The following PPA2 variants were observed in gnomAD, a reference collection of about 807,000 sequenced individuals.
PPA2 encodes the protein inorganic pyrophosphatase 2.
In PPA2, 48 loss-of-function variants were observed where a neutral mutation model predicts 49.5. That is an observed-to-expected ratio of 0.97 (90% CI 0.77 to 1.23). The LOEUF (loss-of-function observed/expected upper bound fraction) is 1.23, where lower values mean the gene tolerates loss of function less well. PPA2 is among the 50% of genes most tolerant of loss of function. The pLI, the probability that PPA2 is intolerant of heterozygous loss-of-function variation, is 0.00. For missense variants in PPA2, 429 were observed against 410.1 expected (o/e 1.05, Z -0.40); for synonymous variants, 131 against 139.9 (o/e 0.94, Z 0.45).
At chr4:105,425,717 T>A (rs1204460802) in intron 6 of PPA2, among the ~76,000 whole-genome samples, 1 of 114,672 alleles carries the variant, frequency 8.7e-6, no homozygotes, top group South Asian at 2.6e-4. Flanking sequence ...AAAGGACACA[T>A]GCACATACAC....
intron 10 of PPA2, among the ~76,000 whole-genome samples, chr4:105,375,736 A>C (rs538661014): frequency 6.6e-6 from 1 of 152,236 alleles, no homozygotes; most frequent in Admixed American, 6.5e-5. Flanking sequence ...TGGACCATGC[A>C]AGGAAGCTGT....
chr4:105,402,026 T>C (rs1309168038), intron 7 of PPA2, among the ~76,000 whole-genome samples: 1 of 152,170 alleles, frequency 6.6e-6, no homozygotes, highest in Non-Finnish European at 1.5e-5. Context: ...CCAGTGAATT[T>C]ATGAGTACAA....
At chr4:105,420,173 C>T (rs766452178) in intron 7 of PPA2, among the ~76,000 whole-genome samples, 24 of 152,072 alleles carry the variant, frequency 1.6e-4, no homozygotes, top group Non-Finnish European at 2.9e-4. Flanking sequence ...GGTTTCTCTA[C>T]GTGGGTCAGG....
At chr4:105,423,361 G>A (rs1029178223) in intron 7 of PPA2, 2 of 152,032 alleles carry the variant, frequency 1.3e-5, no homozygotes, top group Admixed American at 6.5e-5. Context: ...TTAGAATCGA[G>A]GTTTACAAGT....
chr4:105,443,646 C>G (rs993599806), intron 5 of PPA2, among the ~76,000 whole-genome samples: 3 of 151,508 alleles, frequency 2.0e-5, no homozygotes, highest in African/African-American at 7.3e-5. Flanking sequence ...CAGACTCTCT[C>G]TCTCTTTTTC....
At chr4:105,384,362 T>TTCTA (rs1733603821) in intron 10 of PPA2, among the ~76,000 whole-genome samples, 2 of 152,206 alleles carry the variant, frequency 1.3e-5, no homozygotes, top group African/African-American at 4.8e-5. Flanking sequence ...CCTTTCTGAA[T>TTCTA]TCTAATCTTA....
At chr4:105,421,827 T>A (rs1034288692) in intron 7 of PPA2, among the ~76,000 whole-genome samples, 1 of 152,080 alleles carries the variant, frequency 6.6e-6, no homozygotes, top group Non-Finnish European at 1.5e-5. Context: ...TAGATCCCTT[T>A]AGGCCAGGAG....
intron 7 of PPA2, among the ~76,000 whole-genome samples, chr4:105,408,818 GAATA>G (rs1180188918): frequency 6.6e-6 from 1 of 152,112 alleles, no homozygotes; most frequent in African/African-American, 2.4e-5. Flanking sequence ...AAGAATACCT[GAATA>G]AATGGGAAAC....
chr4:105,446,343 AG>A, intron 5 of PPA2, 39 bp downstream of exon 5: 1 of 1,519,214 alleles, frequency 6.6e-7, no homozygotes, highest in Non-Finnish European at 8.8e-7. Context: ...CAATTTTTTC[AG>A]AAGACAGGAA....
rs1250866239 is a variant in PPA2 at position 105,473,904 on chromosome 4, G to A, written c.147C>T (p.Arg49=). 2 of 1,600,310 alleles carry A rather than the reference G, an allele frequency of 1.2e-6. No homozygotes were observed. Among genetic ancestry groups the A allele is most frequent in the South Asian group, 1.1e-5 (1 of 90,446 alleles). The change falls in exon 1 of 12, where the codon CGC becomes CGT. Residue 49 remains arginine, a synonymous_variant. Coordinates refer to ENST00000341695, the MANE Select transcript of PPA2 (RefSeq NM_176869.3). ...CCGGGAGCTACTTACTAAAGAAGAG[G>A]CGGTAATTCTGCGAGCAGGGCTGGC... ...ERGQPCSQNY[R]LFFKNVTGHY...
At chr4:105,377,449 T>A (rs892153576) in intron 10 of PPA2, among the ~76,000 whole-genome samples, 6 of 152,118 alleles carry the variant, frequency 3.9e-5, no homozygotes, top group Non-Finnish European at 8.8e-5. Context: ...AAGATGTAAA[T>A]AAATTAAAAT....
chr4:105,464,068 A>G (rs546360715), intron 1 of PPA2, among the ~76,000 whole-genome samples: 164 of 152,152 alleles, frequency 1.1e-3, no homozygotes, highest in Non-Finnish European at 1.9e-3. Flanking sequence ...AGCTTCCACC[A>G]TGCACCCAGA....
chr4:105,419,584 A>T (rs946737101), intron 7 of PPA2, among the ~76,000 whole-genome samples: 7 of 152,246 alleles, frequency 4.6e-5, no homozygotes, highest in Admixed American at 1.3e-4. Flanking sequence ...AACTATAACA[A>T]GAAAAACTTT....
In PPA2 at chr4:105,473,949, C is replaced by T. The variant is rs1328644248; in HGVS notation, c.102G>A (p.Leu34=). ...GCTGGCCGCGCTCCTCAGTGTGGTA[C>T]AGGGCCATAGCACGGCGCGACCCGG... ...AGTGSRRAMA[L]YHTEERGQPC... The change falls in exon 1 of 12, where the codon CTG becomes CTA. Residue 34 remains leucine (L), a synonymous_variant. Coordinates refer to ENST00000341695, the MANE Select transcript of PPA2 (RefSeq NM_176869.3). 2.5e-6 allele frequency: 4 copies of T among 1,612,488 alleles called. No individual in the cohort carries two copies. Among genetic ancestry groups the T allele is most frequent in the Non-Finnish European group, 3.4e-6 (4 of 1,179,566 alleles).
chr4:105,390,577 G>C (rs919081199), intron 9 of PPA2, among the ~76,000 whole-genome samples: 3 of 152,190 alleles, frequency 2.0e-5, no homozygotes, highest in Admixed American at 2.0e-4. Context: ...CTGATCATTA[G>C]AGAAATACAA....
intron 10 of PPA2, among the ~76,000 whole-genome samples, chr4:105,372,023 G>A (rs2726527): frequency 0.27 from 40,355 of 152,060 alleles, 6,258 homozygotes; most frequent in Non-Finnish European, 0.35. Flanking sequence ...GCCACCCACC[G>A]GCCCCTGCAG....
At chr4:105,372,385 G>A (rs1198736371) in intron 10 of PPA2, among the ~76,000 whole-genome samples, 1 of 152,178 alleles carries the variant, frequency 6.6e-6, no homozygotes, top group Non-Finnish European at 1.5e-5. Flanking sequence ...TCTAAGGGCA[G>A]TACTGAATAG....
intron 8 of PPA2, among the ~76,000 whole-genome samples, chr4:105,397,889 C>T (rs370346530): frequency 1.7e-4 from 26 of 152,260 alleles, no homozygotes; most frequent in African/African-American, 5.5e-4. Flanking sequence ...GCCTGTAGGA[C>T]TGTGAGCTAA....
intron 3 of PPA2, among the ~76,000 whole-genome samples, chr4:105,452,017 G>A (rs1258059244): frequency 6.6e-6 from 1 of 152,180 alleles, no homozygotes; most frequent in African/African-American, 2.4e-5. Context: ...ATGTGGCAAG[G>A]ACTGTGAACT....
Sources: gnomAD v4.1 joint callset for allele counts (sites outside exome capture counted in the v4.1 genomes callset) on GRCh38, gnomAD v4.1.1 for gene constraint, MANE v1.5 for transcripts, NCBI Gene and HGNC (gene_info 2026-07-23, HGNC 2026-07-21) for gene names.